The following PLPP3 variants were observed in gnomAD, a reference collection of about 807,000 sequenced individuals.
PLPP3 encodes phospholipid phosphatase 3, also known as PAP2 beta.
In PLPP3, 6 loss-of-function variants were observed where a neutral mutation model predicts 29.6. That is an observed-to-expected ratio of 0.20 (90% CI 0.11 to 0.40). The LOEUF (loss-of-function observed/expected upper bound fraction) is 0.40, where lower values mean the gene tolerates loss of function less well. Among genes scored for constraint, PLPP3 ranks in the 10% least tolerant of loss-of-function variants. The probability of loss-of-function intolerance (pLI) is 1.00; values close to 1 mark genes in which losing one functional copy is unlikely to be tolerated. For missense variants in PLPP3, 308 were observed against 407.7 expected, an observed-to-expected ratio of 0.76 and a Z score of 2.11; for synonymous variants, 152 against 159.7, an observed-to-expected ratio of 0.95 and a Z score of 0.36.
chr1:56,551,973 C>G (rs1345092446), intron 1 of PLPP3, among the ~76,000 whole-genome samples: 1 of 152,162 alleles, frequency 6.6e-6, no homozygotes, highest in Non-Finnish European at 1.5e-5. Flanking sequence ...AACTGGGGAG[C>G]AGGTCTAATT....
intron 1 of PLPP3, among the ~76,000 whole-genome samples, chr1:56,565,832 C>T (rs1418552399): frequency 6.6e-6 from 1 of 152,194 alleles, no homozygotes; most frequent in Non-Finnish European, 1.5e-5. Context: ...GCCTTTTCAG[C>T]AACAAAAATC....
intron 4 of PLPP3, among the ~76,000 whole-genome samples, chr1:56,522,282 G>A (rs893373948): frequency 3.3e-5 from 5 of 152,158 alleles, no homozygotes; most frequent in Non-Finnish European, 5.9e-5. Flanking sequence ...CACCTGCTGC[G>A]CAGCTGTGAA....
At chr1:56,510,745 G>A (rs1557498782) in intron 5 of PLPP3, among the ~76,000 whole-genome samples, 1 of 152,212 alleles carries the variant, frequency 6.6e-6, no homozygotes, top group African/African-American at 2.4e-5. Flanking sequence ...CTGGCTTTTT[G>A]CTTGTTAGGC....
Position 56,570,196 on chromosome 1 carries a change from A to G in PLPP3, c.139+8682T>C, listed in dbSNP as rs550830000. Among the ~76,000 whole-genome samples, 11 of 152,298 alleles carry G rather than the reference A, an allele frequency of 7.2e-5. No individual in the cohort carries two copies. The South Asian group carries it at 2.3e-3, about 32-fold the overall frequency. ...AATAGGCTCTCTAGAAATTATACTGATTGATACCACAAACTAATTTGGGGG... is the reference window on the plus strand; with the variant it reads ...AATAGGCTCTCTAGAAATTATACTGGTTGATACCACAAACTAATTTGGGGG... On this transcript the variant is annotated intron_variant, in intron 1 of 5. Transcript: ENST00000371250.
chr1:56,537,208 T>A, intron 1 of PLPP3, 96 bp from the exon 2 acceptor site: 2 of 1,300,484 alleles, frequency 1.5e-6, no homozygotes, highest in Non-Finnish European at 2.1e-6. Context: ...GAAAAGACCA[T>A]CCCAAATATC....
At chr1:56,518,715 T>TTTTATATATATATATA (rs1553136509) in intron 4 of PLPP3, among the ~76,000 whole-genome samples, 1 of 126,670 alleles carries the variant, frequency 7.9e-6, no homozygotes, top group Non-Finnish European at 1.7e-5. Context: ...TTTTAATCAT[T>TTTTATATATATATATA]TATATATATA....
In PLPP3 at chr1:56,512,160, AAGG is replaced by A; in HGVS notation, c.634-11_634-9del. 1 of 1,577,056 alleles carries A rather than the reference AAGG, an allele frequency of 6.3e-7. No individual in the cohort carries two copies. The highest frequency in any genetic ancestry group is 1.9e-5 in the Admixed American group (1 of 51,318). On this transcript the variant is annotated splice_polypyrimidine_tract_variant and intron_variant, in intron 4 of 5. Transcript: ENST00000371250. ...GCGGGCCTGCAGGTATAGCTGGAGA[AAGG>A]AGACAAAAAGGAACAGACATTAAGT...
chr1:56,536,587 G>A (rs76873908), intron 2 of PLPP3, among the ~76,000 whole-genome samples: 10,948 of 152,258 alleles, frequency 0.072, 473 homozygotes, highest in Admixed American at 0.14. Context: ...ATTTGATCCA[G>A]AGTAGGCAAG....
intron 5 of PLPP3, among the ~76,000 whole-genome samples, chr1:56,508,553 T>C (rs551455415): frequency 6.6e-6 from 1 of 152,212 alleles, no homozygotes; most frequent in African/African-American, 2.4e-5. Context: ...GATGTCTCTG[T>C]GTTTCAAAAA....
At chr1:56,565,825 T>C (rs1188397488) in intron 1 of PLPP3, among the ~76,000 whole-genome samples, 2 of 152,216 alleles carry the variant, frequency 1.3e-5, no homozygotes, top group Non-Finnish European at 2.9e-5. Flanking sequence ...GTGTCCAGCC[T>C]TTTCAGCAAC....
chr1:56,496,800 T>C, intron 5 of PLPP3, 124 bp from the exon 6 acceptor site: 1 of 921,480 alleles, frequency 1.1e-6, no homozygotes, highest in Non-Finnish European at 1.6e-6. Context: ...ACTCTTTGAA[T>C]AGGGAAGGAC....
intron 1 of PLPP3, among the ~76,000 whole-genome samples, chr1:56,551,481 A>C (rs1403054797): frequency 2.6e-5 from 4 of 152,166 alleles, no homozygotes; most frequent in Non-Finnish European, 5.9e-5. Flanking sequence ...TGAGGATGGC[A>C]GAAGAGATGG....
intron 1 of PLPP3, among the ~76,000 whole-genome samples, chr1:56,540,282 A>C (rs1032485470): frequency 2.0e-5 from 3 of 152,168 alleles, no homozygotes; most frequent in Non-Finnish European, 2.9e-5. Flanking sequence ...CAAGGAACAC[A>C]AAGATGACCC....
chr1:56,577,499 G>A (rs1296064045), intron 1 of PLPP3, among the ~76,000 whole-genome samples: 1 of 152,086 alleles, frequency 6.6e-6, no homozygotes, highest in Non-Finnish European at 1.5e-5. Flanking sequence ...TAAACTCTAA[G>A]AATCCTATCT....
At chr1:56,571,973 C>A (rs545348760) in intron 1 of PLPP3, among the ~76,000 whole-genome samples, 6 of 150,490 alleles carry the variant, frequency 4.0e-5, no homozygotes, top group Non-Finnish European at 1.5e-5. Flanking sequence ...TAGCTCAGTA[C>A]CTTCCTTCCT....
intron 2 of PLPP3, among the ~76,000 whole-genome samples, chr1:56,531,512 C>T (rs772333065): frequency 2.6e-5 from 4 of 152,242 alleles, no homozygotes; most frequent in Non-Finnish European, 5.9e-5. Context: ...ACCATCTCTA[C>T]AAACCATTGA....
intron 2 of PLPP3, among the ~76,000 whole-genome samples, chr1:56,528,441 G>T (rs2100255089): frequency 6.6e-6 from 1 of 152,270 alleles, no homozygotes; most frequent in African/African-American, 2.4e-5. Flanking sequence ...AGAGCAAGAG[G>T]TGGTGAAAGA....
chr1:56,537,140 C>T (rs767254995), intron 1 of PLPP3, 28 bp from the exon 2 acceptor site: 2 of 1,587,786 alleles, frequency 1.3e-6, no homozygotes, highest in African/African-American at 1.4e-5. Flanking sequence ...ATGGCATATA[C>T]CAGAAAAAAA....
At chr1:56,502,521 T>C (rs1427996026) in intron 5 of PLPP3, among the ~76,000 whole-genome samples, 1 of 152,222 alleles carries the variant, frequency 6.6e-6, no homozygotes, top group Non-Finnish European at 1.5e-5. Context: ...CAGTTATTTG[T>C]TATCCAGAGT....
Sources: gnomAD v4.1 joint callset for allele counts (sites outside exome capture counted in the v4.1 genomes callset) on GRCh38, gnomAD v4.1.1 for gene constraint, MANE v1.5 for transcripts, NCBI Gene and HGNC (gene_info 2026-07-23, HGNC 2026-07-21) for gene names.